NTM: variants seen among roughly 807,000 people sequenced by gnomAD.
The protein encoded by NTM is IgLON family member 2.
Under a neutral mutation model 42.1 loss-of-function variants are expected in NTM, and 13 were observed. The observed-to-expected ratio is 0.31, with a 90% CI of 0.20 to 0.49. The LOEUF (loss-of-function observed/expected upper bound fraction) is 0.49, where lower values mean the gene tolerates loss of function less well. NTM is among the 20% of genes least tolerant of loss of function. The pLI, the probability that NTM is intolerant of heterozygous loss-of-function variation, is 0.99. For missense variants in NTM, 373 were observed against 452.8 expected, an observed-to-expected ratio of 0.82 and a Z score of 1.60; for synonymous variants, 187 against 179.2, an observed-to-expected ratio of 1.04 and a Z score of -0.35.
At chr11:131,449,190 A>G (rs1008362293) in intron 1 of NTM, among the ~76,000 whole-genome samples, 4 of 152,164 alleles carry the variant, frequency 2.6e-5, no homozygotes, top group Admixed American at 2.0e-4. Context: ...GTGGCTGGTA[A>G]TGGAGCTGCC....
intron 2 of NTM, among the ~76,000 whole-genome samples, chr11:131,917,517 A>G (rs1395049665): frequency 6.6e-6 from 1 of 152,198 alleles, no homozygotes; most frequent in Non-Finnish European, 1.5e-5. Flanking sequence ...CTCCCCACCC[A>G]GTCCTTAAGT....
intron 1 of NTM, among the ~76,000 whole-genome samples, chr11:131,450,612 C>T (rs1950409817): frequency 6.6e-6 from 1 of 152,198 alleles, no homozygotes; most frequent in Admixed American, 6.5e-5. Context: ...GCATGCTCCT[C>T]ATCCATTTTT....
chr11:132,037,804 A>T (rs2076689222), intron 2 of NTM, among the ~76,000 whole-genome samples: 1 of 152,228 alleles, frequency 6.6e-6, no homozygotes, highest in Admixed American at 6.5e-5. Context: ...GGCACTAATT[A>T]TAACATAGCT....
At chr11:132,137,284 T>A (rs964846944) in intron 2 of NTM, among the ~76,000 whole-genome samples, 1 of 152,192 alleles carries the variant, frequency 6.6e-6, no homozygotes, top group African/African-American at 2.4e-5. Flanking sequence ...GAGGAGAGCC[T>A]GCAGATGGAT....
chr11:132,330,314 C>T, intron 8 of NTM, 129 bp downstream of exon 8: 1 of 952,910 alleles, frequency 1.0e-6, no homozygotes, highest in Middle Eastern at 2.3e-4. Flanking sequence ...CCTCCCCCAA[C>T]CTTCAACCAT....
intron 2 of NTM, among the ~76,000 whole-genome samples, chr11:132,135,182 G>T (rs1407740301): frequency 6.6e-6 from 1 of 152,150 alleles, no homozygotes; most frequent in Admixed American, 6.5e-5. Flanking sequence ...AGGGCCAGAA[G>T]GGCCCCCACT....
intron 1 of NTM, among the ~76,000 whole-genome samples, chr11:131,466,683 C>T (rs1951930882): frequency 6.6e-6 from 1 of 152,190 alleles, no homozygotes; most frequent in Non-Finnish European, 1.5e-5. Flanking sequence ...TGAATTCCCT[C>T]CTTTCCATTG....
intron 1 of NTM, among the ~76,000 whole-genome samples, chr11:131,567,181 T>G (rs2056976534): frequency 6.6e-6 from 1 of 151,932 alleles, no homozygotes; most frequent in African/African-American, 2.4e-5. Flanking sequence ...TGGGAGATGC[T>G]TGGTGGGAAA....
intron 2 of NTM, among the ~76,000 whole-genome samples, chr11:132,079,390 C>G (rs1371018533): frequency 1.3e-5 from 2 of 152,158 alleles, no homozygotes; most frequent in Non-Finnish European, 2.9e-5. Flanking sequence ...GCATCAACAC[C>G]TATAAACTCT....
chr11:132,229,280 G>A (rs972353557), intron 4 of NTM, among the ~76,000 whole-genome samples: 10 of 152,298 alleles, frequency 6.6e-5, no homozygotes, highest in Middle Eastern at 3.4e-3. Context: ...GAACTGAGGC[G>A]CAGAGCACGC....
At chr11:131,833,107 G>A (rs2043030571) in intron 1 of NTM, among the ~76,000 whole-genome samples, 1 of 152,156 alleles carries the variant, frequency 6.6e-6, no homozygotes, top group African/African-American at 2.4e-5. Context: ...GATGTATTTT[G>A]AACAGAAATT....
chr11:131,994,062 A>T, intron 2 of NTM, among the ~76,000 whole-genome samples: 1 of 152,082 alleles, frequency 6.6e-6, no homozygotes, highest in East Asian at 1.9e-4. Flanking sequence ...GCAGCATAAT[A>T]GAAATCAAGG....
chr11:131,639,140 C>T (rs569842447), intron 1 of NTM, among the ~76,000 whole-genome samples: 142 of 152,332 alleles, frequency 9.3e-4, no homozygotes, highest in African/African-American at 3.3e-3. Context: ...GTACAACTAT[C>T]TCATATTGCC....
chr11:131,616,603 G>T (rs1194251208), intron 1 of NTM, among the ~76,000 whole-genome samples: 5 of 152,110 alleles, frequency 3.3e-5, no homozygotes, highest in African/African-American at 7.2e-5. Flanking sequence ...GGCACCAGGG[G>T]ACATACCTCC....
Position 132,271,475 on chromosome 11 carries a change from A to G in NTM, c.527-36214A>G, listed in dbSNP as rs534954760. Among the ~76,000 whole-genome samples, 5 of 152,268 alleles carry G rather than the reference A, an allele frequency of 3.3e-5. No individual in the cohort carries two copies. In the East Asian group the frequency reaches 5.8e-4, roughly 18 times the overall value. ...TCACCCTTTGAGGAACTGCCAGACT[A>G]TTTTGCAAAGTTGCTGTACCATTGT... On this transcript the variant is annotated intron_variant, in intron 4 of 8. Transcript: ENST00000683400.
intron 2 of NTM, among the ~76,000 whole-genome samples, chr11:132,128,870 A>G (rs1305244445): frequency 6.8e-6 from 1 of 145,986 alleles, no homozygotes; most frequent in Non-Finnish European, 1.5e-5. Context: ...TCCGGGAGGC[A>G]GAGTTTGCAG....
intron 1 of NTM, among the ~76,000 whole-genome samples, chr11:131,895,111 A>G (rs1002896261): frequency 3.9e-5 from 6 of 152,232 alleles, no homozygotes; most frequent in African/African-American, 1.4e-4. Context: ...CTGCAGCTCT[A>G]TTCGGTGATT....
chr11:131,706,043 T>C (rs1175708593), intron 1 of NTM, among the ~76,000 whole-genome samples: 1 of 152,036 alleles, frequency 6.6e-6, no homozygotes, highest in East Asian at 1.9e-4. Flanking sequence ...ATATAATGAC[T>C]GAACAAATTA....
At chr11:131,456,303 A>G (rs1477100507) in intron 1 of NTM, among the ~76,000 whole-genome samples, 1 of 152,180 alleles carries the variant, frequency 6.6e-6, no homozygotes, top group East Asian at 1.9e-4. Context: ...CTAGCAGAGA[A>G]TTATATTTCT....
Sources: gnomAD v4.1 joint callset for allele counts (sites outside exome capture counted in the v4.1 genomes callset) on GRCh38, gnomAD v4.1.1 for gene constraint, MANE v1.5 for transcripts, NCBI Gene and HGNC (gene_info 2026-07-23, HGNC 2026-07-21) for gene names.